Variants in SOX5 observed in about 807,000 individuals in gnomAD.
SOX5 encodes transcription factor SOX-5.
Under a neutral mutation model 92.0 loss-of-function variants are expected in SOX5, and 9 were observed. That is an observed-to-expected ratio of 0.10 (90% CI 0.06 to 0.17). The LOEUF is 0.17. Among genes scored for constraint, SOX5 ranks in the 10% least tolerant of loss-of-function variants. The pLI is 1.00. For synonymous variants in SOX5, 344 were observed against 336.3 expected, an observed-to-expected ratio of 1.02 and a Z score of -0.25; for missense variants, 642 against 944.5, an observed-to-expected ratio of 0.68 and a Z score of 4.20.
At chr12:23,718,129 T>A (rs1406888982) in intron 6 of SOX5, among the ~76,000 whole-genome samples, 2 of 152,148 alleles carry the variant, frequency 1.3e-5, no homozygotes, top group African/African-American at 4.8e-5. Context: ...AAGCCATAAA[T>A]ATGTGTGTAT....
At chr12:24,174,735 C>A (rs1474071043) in intron 4 of SOX5, among the ~76,000 whole-genome samples, 1 of 151,898 alleles carries the variant, frequency 6.6e-6, no homozygotes, top group Admixed American at 6.6e-5. Context: ...GAAGGAGAAT[C>A]GCTTGAACCA....
intron 6 of SOX5, among the ~76,000 whole-genome samples, chr12:23,724,271 AACACACACGCAT>A (rs1001228687): frequency 1.3e-5 from 2 of 151,932 alleles, no homozygotes; most frequent in African/African-American, 4.8e-5. Flanking sequence ...GTTTCAGAAT[AACACACACGCAT>A]ACACACACAC....
At chr12:23,576,920 C>T (rs535374155) in intron 9 of SOX5, among the ~76,000 whole-genome samples, 42 of 151,328 alleles carry the variant, frequency 2.8e-4, no homozygotes, top group Middle Eastern at 3.4e-3. Flanking sequence ...TTAGTTTCCA[C>T]GTAGCTATTT....
chr12:23,902,331 G>C (rs2097243420), intron 1 of SOX5, among the ~76,000 whole-genome samples: 1 of 151,944 alleles, frequency 6.6e-6, no homozygotes, highest in Non-Finnish European at 1.5e-5. Flanking sequence ...TTTAACCTTT[G>C]ACTAGATAAT....
chr12:23,579,590 C>G (rs1348703501), intron 9 of SOX5, among the ~76,000 whole-genome samples: 1 of 152,012 alleles, frequency 6.6e-6, no homozygotes, highest in East Asian at 1.9e-4. Context: ...ATTTAAAAAT[C>G]TTAACTATAA....
chr12:23,567,385 AAAATGTG>A (rs531813354), intron 10 of SOX5, among the ~76,000 whole-genome samples: 101 of 152,216 alleles, frequency 6.6e-4, no homozygotes, highest in African/African-American at 2.3e-3. Flanking sequence ...TGAGATTTGG[AAAATGTG>A]GGTTAGAAAT....
intron 9 of SOX5, among the ~76,000 whole-genome samples, chr12:23,590,527 T>G (rs1951383051): frequency 6.6e-6 from 1 of 152,038 alleles, no homozygotes; most frequent in Non-Finnish European, 1.5e-5. Context: ...CTTTTCCTTA[T>G]TCTCCTATTT....
intron 3 of SOX5, among the ~76,000 whole-genome samples, chr12:23,845,018 C>A (rs1188863956): frequency 6.6e-6 from 1 of 152,094 alleles, no homozygotes; most frequent in Non-Finnish European, 1.5e-5. Flanking sequence ...TGGTAGGGAA[C>A]CAGAAATATT....
At chr12:24,325,517 C>T (rs532255782) in intron 2 of SOX5, among the ~76,000 whole-genome samples, 69 of 152,146 alleles carry the variant, frequency 4.5e-4, no homozygotes, top group Non-Finnish European at 6.2e-4. Context: ...TAGAAAAGGA[C>T]GGGACAACTG....
intron 4 of SOX5, among the ~76,000 whole-genome samples, chr12:24,152,505 T>G (rs1436798606): frequency 6.6e-6 from 1 of 152,092 alleles, no homozygotes; most frequent in East Asian, 1.9e-4. Context: ...TCCCCACCTG[T>G]GAAATGGAGA....
At chr12:24,234,503 G>C (rs1041442668) in intron 3 of SOX5, among the ~76,000 whole-genome samples, 2 of 151,914 alleles carry the variant, frequency 1.3e-5, no homozygotes, top group African/African-American at 4.8e-5. Flanking sequence ...TCAGCCTCCC[G>C]AGTAGCTGGG....
intron 4 of SOX5, among the ~76,000 whole-genome samples, chr12:23,991,754 T>C (rs992530687): frequency 1.3e-5 from 2 of 151,780 alleles, no homozygotes; most frequent in Admixed American, 6.6e-5. Flanking sequence ...AGGAGGTTTT[T>C]TTTTTTTTTA....
rs149742910 is a variant in SOX5 at position 24,382,316 on chromosome 12, C to A, written c.-250-13677G>T. On this transcript the variant is annotated intron_variant, in intron 1 of 4. Coordinates refer to the SOX5 transcript ENST00000446891. The stretch of plus-strand genomic sequence containing the variant: ...CAGAGACCACCACAGGCTGAAGGAA[C>A]CTGGAGGAGAGCAAAGGCCCCAGGA... Among the ~76,000 whole-genome samples the A allele has an allele frequency of 2.1e-4, 32 of 152,180 alleles. No homozygotes were observed. In the East Asian group the frequency reaches 3.3e-3, roughly 16 times the overall value.
chr12:23,846,240 G>C lies in SOX5; in HGVS notation c.271-47C>G, dbSNP rs376379687. On this transcript the variant is annotated intron_variant, in intron 2 of 14. Transcript: ENST00000451604. Reference sequence around the variant, plus strand: ...CAAATAATTGTTTACCTGAAAGAGAGAGCAAAAGGACAAATAATTGTTTAC... The same window carrying C: ...CAAATAATTGTTTACCTGAAAGAGACAGCAAAAGGACAAATAATTGTTTAC... 38 of 1,361,736 alleles carry C rather than the reference G, an allele frequency of 2.8e-5. 1 individual carries two copies. In the Admixed American group the frequency reaches 4.1e-4, roughly 15 times the overall value. The allele number at this position is 1,361,736 out of a possible 1,614,324, so 84.4% of individuals were successfully genotyped here.
At chr12:24,448,735 T>C (rs1175887339) in intron 1 of SOX5, among the ~76,000 whole-genome samples, 1 of 152,178 alleles carries the variant, frequency 6.6e-6, no homozygotes, top group South Asian at 2.1e-4. Flanking sequence ...TGGGTAGACC[T>C]TTTTAACTAC....
chr12:24,356,154 T>C (rs1223986124), intron 2 of SOX5, among the ~76,000 whole-genome samples: 1 of 152,092 alleles, frequency 6.6e-6, no homozygotes, highest in Non-Finnish European at 1.5e-5. Context: ...ATATTACCAA[T>C]ATAGCATAAA....
intron 1 of SOX5, among the ~76,000 whole-genome samples, chr12:24,505,606 C>T (rs1269689012): frequency 6.6e-6 from 1 of 152,214 alleles, no homozygotes; most frequent in South Asian, 2.1e-4. Context: ...CAGTAACTCA[C>T]CACTGTTGCA....
At chr12:23,713,249 G>A (rs2092216247) in intron 6 of SOX5, among the ~76,000 whole-genome samples, 1 of 152,150 alleles carries the variant, frequency 6.6e-6, no homozygotes, top group African/African-American at 2.4e-5. Flanking sequence ...CTAGGGAGAG[G>A]CATGCTACAG....
chr12:24,347,260 A>G (rs904599325), intron 2 of SOX5, among the ~76,000 whole-genome samples: 3 of 152,216 alleles, frequency 2.0e-5, no homozygotes, highest in Admixed American at 6.5e-5. Flanking sequence ...TAATCTAGAT[A>G]TAATTTAAAG....
Sources: allele counts gnomAD v4.1 joint callset (sites outside exome capture counted in the v4.1 genomes callset), GRCh38; gene constraint gnomAD v4.1.1; transcripts MANE v1.5; gene names NCBI Gene and HGNC (gene_info 2026-07-23, HGNC 2026-07-21).